ACOX1: variants seen among roughly 807,000 people sequenced by gnomAD.
ACOX1 encodes the protein acyl-CoA oxidase 1, also known as peroxisomal acyl-coenzyme A oxidase 1.
ACOX1 carries 41 observed loss-of-function variants against 75.5 expected under a neutral mutation model. The ratio of observed to expected loss-of-function variants is 0.54; its 90% confidence interval spans 0.42 to 0.70. ACOX1 has a LOEUF of 0.70. ACOX1 is among the 30% of genes least tolerant of loss of function. The pLI is 0.00. For synonymous variants in ACOX1, 303 were observed against 298.8 expected (o/e 1.01, Z -0.15); for missense variants, 630 against 837.5 (o/e 0.75, Z 3.06).
At chr17:75,967,687 TATATACATAC>T (rs367963112) in intron 2 of ACOX1, among the ~76,000 whole-genome samples, 1,499 of 141,852 alleles carry the variant, frequency 0.011, 56 homozygotes, top group East Asian at 0.066. Flanking sequence ...TATACGTATA[TATATACATAC>T]ATATATATAC....
rs112237039 is a variant in ACOX1 at position 75,965,887 on chromosome 17, C to T, written c.270-5512G>A. Reference sequence around the variant, plus strand: ...GCTCACTCCTGTAATCCCAGCACTTCGGGAGGCTGAGGCAGGCAGATCACC... The same window carrying T: ...GCTCACTCCTGTAATCCCAGCACTTTGGGAGGCTGAGGCAGGCAGATCACC... On this transcript the variant is annotated intron_variant, in intron 2 of 13. Transcript: ENST00000293217. 2.0e-5 allele frequency among the ~76,000 whole-genome samples: 3 copies of T among 151,668 alleles called. No individual in the cohort carries two copies. In the East Asian group the frequency reaches 5.8e-4, roughly 29 times the overall value.
intron 12 of ACOX1, among the ~76,000 whole-genome samples, chr17:75,948,703 C>G (rs756403582): frequency 1.3e-5 from 2 of 151,590 alleles, no homozygotes; most frequent in Non-Finnish European, 2.9e-5. Flanking sequence ...TACAGGCATG[C>G]GCCAGCACAC....
chr17:75,955,034 A>C (rs2065811104), intron 6 of ACOX1, among the ~76,000 whole-genome samples: 1 of 151,476 alleles, frequency 6.6e-6, no homozygotes, highest in South Asian at 2.1e-4. Context: ...CGCCCAGCTA[A>C]TTTTTTGGTA....
In ACOX1 at chr17:75,978,514, C is replaced by G. The variant is rs141776416; in HGVS notation, c.269+20G>C. 8 of 1,614,144 alleles carry G rather than the reference C, an allele frequency of 5.0e-6. No homozygotes were observed. The highest frequency in any genetic ancestry group is 3.3e-5 in the South Asian group (3 of 91,062). ...AAGTTTAGGCTTAACAACACTTGCTCTGTTCTAAGGCATACCTACTTTTTA... is the reference window on the plus strand; with the variant it reads ...AAGTTTAGGCTTAACAACACTTGCTGTGTTCTAAGGCATACCTACTTTTTA... On this transcript the variant is annotated intron_variant, in intron 2 of 13. Coordinates refer to ENST00000293217, the MANE Select transcript of ACOX1 (RefSeq NM_004035.7). The surrounding 1 kb of genome is among the most constrained non-coding windows in gnomAD (Gnocchi z 4.2).
chr17:75,946,507 A>AT lies in ACOX1; in HGVS notation c.*240dup, dbSNP rs1250088917. On this transcript the variant is annotated 3_prime_UTR_variant, in exon 14 of 14. Coordinates refer to ENST00000293217, the MANE Select transcript of ACOX1 (RefSeq NM_004035.7). ...ATCAGCAGCATTACAAAAGGAAGTC[A>AT]TATCGCATTTCTTAAGCTTTTTCTG... The AT allele has an allele frequency of 1.8e-5, 9 of 500,394 alleles. No homozygotes were observed. Among genetic ancestry groups the AT allele is most frequent in the African/African-American group, 1.4e-4 (7 of 51,354 alleles). 31.0% of individuals were successfully genotyped at this position (500,394 alleles called of 1,614,324 possible). A position where few individuals can be genotyped will look rare whatever the true frequency, so the allele number is the denominator to read the frequency against.
At chr17:75,974,761 G>C (rs527896902) in intron 2 of ACOX1, among the ~76,000 whole-genome samples, 2 of 152,036 alleles carry the variant, frequency 1.3e-5, no homozygotes, top group Non-Finnish European at 1.5e-5. Context: ...AGCCGGGCGC[G>C]GTGGCTCACG....
chr17:75,973,706 T>A (rs1264737582), intron 2 of ACOX1: 1 of 1,614,212 alleles, frequency 6.2e-7, no homozygotes, highest in Non-Finnish European at 8.5e-7. Flanking sequence ...TTCTGAGCAG[T>A]GGTGCCCTGA....
At position 75,968,212 on chromosome 17, in the gene ACOX1, G is replaced by A. The variant is rs553864670; in HGVS notation, c.270-7837C>T. The stretch of plus-strand genomic sequence containing the variant: ...AGCACTTTGGGAGGCCGAGGCGGGC[G>A]GATCACGAGGTCAGGAGATCGAGAC... On this transcript the variant is annotated intron_variant, in intron 2 of 13. Transcript: ENST00000293217. 2.3e-3 allele frequency among the ~76,000 whole-genome samples: 337 copies of A among 149,718 alleles called. 2 individuals are homozygous for A. Among genetic ancestry groups the A allele is most frequent in the South Asian group, 0.014 (69 of 4,776 alleles).
chr17:75,964,467 G>A (rs1399046923), intron 2 of ACOX1, among the ~76,000 whole-genome samples: 1 of 152,132 alleles, frequency 6.6e-6, no homozygotes, highest in African/African-American at 2.4e-5. Context: ...ATCAGCCTCT[G>A]GAAGATTTAC....
intron 3 of ACOX1, among the ~76,000 whole-genome samples, chr17:75,958,584 G>A (rs146220741): frequency 0.017 from 2,537 of 151,438 alleles, 180 homozygotes; most frequent in Admixed American, 0.13. Flanking sequence ...CAAGGCGGGC[G>A]GATCACAAAG....
At chr17:75,970,319 CTGTTT>C in intron 2 of ACOX1, among the ~76,000 whole-genome samples, 1 of 152,202 alleles carries the variant, frequency 6.6e-6, no homozygotes, top group South Asian at 2.1e-4. Context: ...AACAAACGAC[CTGTTT>C]TGTGGCCTAA....
chr17:75,954,107 C>T (rs150417835), intron 6 of ACOX1, among the ~76,000 whole-genome samples: 1 of 151,914 alleles, frequency 6.6e-6, no homozygotes, highest in Non-Finnish European at 1.5e-5. Flanking sequence ...ATCCCAGCTA[C>T]TCAGGAGCTG....
rs553517188 is a variant in ACOX1, at chr17:75,965,206, C to T, written c.270-4831G>A. 1.8e-4 allele frequency among the ~76,000 whole-genome samples: 27 copies of T among 151,776 alleles called. No individual in the cohort carries two copies. In the East Asian group the frequency reaches 4.3e-3, roughly 24 times the overall value. On this transcript the variant is annotated intron_variant, in intron 2 of 13. Coordinates refer to ENST00000293217, the MANE Select transcript of ACOX1 (RefSeq NM_004035.7). Reference sequence around the variant, plus strand: ...CAAGAAAATTAGCCGGGTGTGGTGGCGGGCGCCTGTAGTCCCAGCTACTCG... The same window carrying T: ...CAAGAAAATTAGCCGGGTGTGGTGGTGGGCGCCTGTAGTCCCAGCTACTCG...
intron 3 of ACOX1, among the ~76,000 whole-genome samples, chr17:75,958,123 G>A (rs567444165): frequency 3.3e-5 from 5 of 152,198 alleles, no homozygotes; most frequent in Non-Finnish European, 7.3e-5. Flanking sequence ...AGGAGGCCGA[G>A]GCGGGTGGAT....
rs2065843954 is a variant in ACOX1, at chr17:75,957,449, A to G, written c.538+10T>C. 4 of 1,607,322 alleles carry G rather than the reference A, an allele frequency of 2.5e-6. No homozygotes were observed. The highest frequency in any genetic ancestry group is 2.6e-6 in the Non-Finnish European group (3 of 1,173,824). ...CAAAACATCCAATAAATGCTGAAAA[A>G]TTCACTTACGCCCACCAGGCCACCA... On this transcript the variant is annotated intron_variant, in intron 4 of 13. Coordinates refer to ENST00000293217, the MANE Select transcript of ACOX1 (RefSeq NM_004035.7).
intron 2 of ACOX1, among the ~76,000 whole-genome samples, chr17:75,974,804 G>A (rs915264233): frequency 1.1e-4 from 16 of 151,958 alleles, no homozygotes; most frequent in African/African-American, 3.4e-4. Flanking sequence ...AGGCCAAGGC[G>A]GGTGGATCAC....
At chr17:75,977,990 G>C (rs1303916464) in intron 2 of ACOX1, among the ~76,000 whole-genome samples, 2 of 152,132 alleles carry the variant, frequency 1.3e-5, no homozygotes, top group East Asian at 1.9e-4. Context: ...AAAAACTCCT[G>C]CATTTCCATT....
chr17:75,974,146 G>GTT (rs56119306), intron 2 of ACOX1, among the ~76,000 whole-genome samples: 4,656 of 142,090 alleles, frequency 0.033, 79 homozygotes, highest in Middle Eastern at 0.054. Context: ...AATGTGTGTG[G>GTT]TTTTTTTTTT....
intron 3 of ACOX1, 105 bp from the exon 4 acceptor site, chr17:75,957,671 A>T: frequency 2.6e-6 from 2 of 779,356 alleles, no homozygotes; most frequent in South Asian, 3.1e-5. Flanking sequence ...CTCAGAGAAA[A>T]ACAAAATCTA....
Sources: gnomAD v4.1 joint callset for allele counts (sites outside exome capture counted in the v4.1 genomes callset) on GRCh38, gnomAD v4.1.1 for gene constraint, Gnocchi (gnomAD v3.1) non-coding constraint, MANE v1.5 for transcripts, NCBI Gene and HGNC (gene_info 2026-07-23, HGNC 2026-07-21) for gene names.